OPCML: variants seen among roughly 807,000 people sequenced by gnomAD.
The protein encoded by OPCML is opioid binding protein/cell adhesion molecule like.
Under a neutral mutation model 37.8 loss-of-function variants are expected in OPCML, and 13 were observed. The ratio of observed to expected loss-of-function variants is 0.34; its 90% CI spans 0.22 to 0.55. The LOEUF is 0.55. OPCML is among the 20% of genes least tolerant of loss of function. The probability of loss-of-function intolerance (pLI) is 0.91; values close to 1 mark genes in which losing one functional copy is unlikely to be tolerated. For synonymous variants in OPCML, 176 were observed against 168.8 expected (o/e 1.04, Z -0.33); for missense variants, 341 against 435.6 (o/e 0.78, Z 1.93).
chr11:132,694,816 T>C (rs967694094), intron 2 of OPCML, among the ~76,000 whole-genome samples: 1 of 152,144 alleles, frequency 6.6e-6, no homozygotes, highest in Non-Finnish European at 1.5e-5. Flanking sequence ...ATGCTGCAAT[T>C]CTCCCCTTCC....
At chr11:132,821,538 C>T (rs1047949497) in intron 2 of OPCML, among the ~76,000 whole-genome samples, 8 of 152,186 alleles carry the variant, frequency 5.3e-5, no homozygotes, top group African/African-American at 1.2e-4. Context: ...GAAAATTATC[C>T]GCTTGCCTCA....
chr11:132,968,475 A>G (rs895790538), intron 1 of OPCML, among the ~76,000 whole-genome samples: 5 of 152,152 alleles, frequency 3.3e-5, no homozygotes, highest in African/African-American at 7.2e-5. Context: ...CTCAGCTTCA[A>G]ATCTTTTTTT....
At chr11:132,963,932 G>C (rs930391486) in intron 1 of OPCML, among the ~76,000 whole-genome samples, 1 of 152,120 alleles carries the variant, frequency 6.6e-6, no homozygotes, top group African/African-American at 2.4e-5. Flanking sequence ...ACTTGGAATT[G>C]AATTTACTCA....
intron 1 of OPCML, among the ~76,000 whole-genome samples, chr11:133,141,796 C>T (rs966285332): frequency 1.3e-5 from 2 of 152,160 alleles, no homozygotes; most frequent in African/African-American, 2.4e-5. Context: ...ACTATTTAAC[C>T]ATCCAGGATA....
chr11:133,491,603 T>A (rs1947660949), intron 1 of OPCML, among the ~76,000 whole-genome samples: 1 of 152,132 alleles, frequency 6.6e-6, no homozygotes, highest in Non-Finnish European at 1.5e-5. Flanking sequence ...AAAGTACCCA[T>A]AAGCTATGCG....
intron 2 of OPCML, among the ~76,000 whole-genome samples, chr11:132,832,273 A>G (rs1427876939): frequency 6.8e-6 from 1 of 147,636 alleles, no homozygotes; most frequent in Non-Finnish European, 1.5e-5. Context: ...TAGTGTACTT[A>G]AACTTACAGA....
At chr11:132,976,385 T>C (rs944005273) in intron 1 of OPCML, among the ~76,000 whole-genome samples, 1 of 152,180 alleles carries the variant, frequency 6.6e-6, no homozygotes. Flanking sequence ...AGAAGCTATT[T>C]GTTTTCGCAT....
intron 2 of OPCML, among the ~76,000 whole-genome samples, chr11:132,866,532 A>G (rs11603450): frequency 0.015 from 2,342 of 152,306 alleles, 28 homozygotes; most frequent in Non-Finnish European, 0.02. Context: ...TACCAAGAGA[A>G]GGGAATCATC....
Position 133,012,818 on chromosome 11 carries a change from C to T in OPCML, c.62-69808G>A, listed in dbSNP as rs1947244985. 4.1e-5 allele frequency among the ~76,000 whole-genome samples: 6 copies of T among 144,584 alleles called. No homozygotes were observed. The South Asian group carries it at 1.3e-3, about 31-fold the overall frequency. 94.9% of individuals were successfully genotyped at this position (144,584 alleles called of 152,430 possible). ...TGAACCAGGGAGGTGGAGGTTGCGG[C>T]GAGATCGCACCATTGCACTCCAGCC... On this transcript the variant is annotated intron_variant, in intron 1 of 7. Coordinates refer to ENST00000524381, the MANE Select transcript of OPCML (RefSeq NM_001012393.5).
In OPCML at chr11:132,623,478, G is replaced by A. The variant is rs576327074; in HGVS notation, c.379+33609C>T. The stretch of plus-strand genomic sequence containing the variant: ...CTCTGAAAAAAATGAGCATTTTATT[G>A]CTTCTACAAATTGCTCCCTGGAAAG... On this transcript the variant is annotated intron_variant, in intron 3 of 7. Coordinates refer to ENST00000524381, the MANE Select transcript of OPCML (RefSeq NM_001012393.5). 5.3e-5 allele frequency among the ~76,000 whole-genome samples: 8 copies of A among 152,260 alleles called. No individual in the cohort carries two copies. The East Asian group carries it at 1.4e-3, about 26-fold the overall frequency.
chr11:132,452,656 C>T (rs1419071829), intron 4 of OPCML, among the ~76,000 whole-genome samples: 1 of 151,828 alleles, frequency 6.6e-6, no homozygotes, highest in Non-Finnish European at 1.5e-5. Context: ...CTCCTTTTTT[C>T]ATGTCCTCCC....
At chr11:132,832,033 G>T (rs1018715136) in intron 2 of OPCML, among the ~76,000 whole-genome samples, 2 of 151,712 alleles carry the variant, frequency 1.3e-5, no homozygotes, top group African/African-American at 4.8e-5. Context: ...CTCTCTTGTG[G>T]GACATTTGCT....
chr11:133,473,821 T>C (rs984543333), intron 1 of OPCML, among the ~76,000 whole-genome samples: 2 of 152,226 alleles, frequency 1.3e-5, no homozygotes, highest in African/African-American at 4.8e-5. Context: ...CCAAGAGCTA[T>C]CTGCATACTA....
chr11:132,725,321 A>C (rs1944837373), intron 2 of OPCML, among the ~76,000 whole-genome samples: 1 of 152,162 alleles, frequency 6.6e-6, no homozygotes, highest in Non-Finnish European at 1.5e-5. Flanking sequence ...CAAACTCTAC[A>C]TTGGCCCCTT....
chr11:133,216,751 T>C (rs898956201), intron 1 of OPCML, among the ~76,000 whole-genome samples: 3 of 152,206 alleles, frequency 2.0e-5, no homozygotes, highest in African/African-American at 7.2e-5. Flanking sequence ...TTAACTATCA[T>C]GTAATAATGT....
chr11:133,147,435 G>C (rs1265860338), intron 1 of OPCML, among the ~76,000 whole-genome samples: 1 of 152,052 alleles, frequency 6.6e-6, no homozygotes, highest in Non-Finnish European at 1.5e-5. Context: ...GACAGGACAC[G>C]GAGAAAGCCC....
intron 1 of OPCML, among the ~76,000 whole-genome samples, chr11:133,184,309 C>T (rs755808535): frequency 2.6e-5 from 4 of 152,178 alleles, no homozygotes; most frequent in East Asian, 1.9e-4. Context: ...GGCAGTACAA[C>T]GTGCACGTGC....
chr11:132,458,583 T>C (rs976160805), intron 4 of OPCML, among the ~76,000 whole-genome samples: 46 of 152,368 alleles, frequency 3.0e-4, no homozygotes, highest in African/African-American at 9.9e-4. Context: ...ACTTGCTTTG[T>C]AGTATTATGC....
intron 3 of OPCML, among the ~76,000 whole-genome samples, chr11:132,625,921 T>C (rs1351547220): frequency 6.6e-6 from 1 of 152,082 alleles, no homozygotes; most frequent in East Asian, 1.9e-4. Context: ...TAGGCTGTCT[T>C]CTCCATGCAT....
Sources: allele counts gnomAD v4.1 joint callset (sites outside exome capture counted in the v4.1 genomes callset), GRCh38; gene constraint gnomAD v4.1.1; transcripts MANE v1.5; gene names NCBI Gene and HGNC (gene_info 2026-07-23, HGNC 2026-07-21).